Variants in HDAC9 observed in about 807,000 individuals in gnomAD.
HDAC9 encodes histone deacetylase 9.
A neutral mutation model predicts 139.4 loss-of-function variants in HDAC9; 41 were observed. The observed-to-expected ratio is 0.29, with a 90% confidence interval of 0.23 to 0.38. The LOEUF (loss-of-function observed/expected upper bound fraction) is 0.38, where lower values mean the gene tolerates loss of function less well. Ranked by LOEUF, HDAC9 falls within the 10% of genes least tolerant of loss-of-function variation. HDAC9 has a pLI of 1.00. For synonymous variants in HDAC9, 517 were observed against 476.2 expected (o/e 1.09, Z -1.12); for missense variants, 1,147 against 1,297.0 (o/e 0.88, Z 1.78).
intron 1 of HDAC9, among the ~76,000 whole-genome samples, chr7:18,409,660 T>G (rs150168304): frequency 2.0e-5 from 3 of 152,368 alleles, no homozygotes; most frequent in African/African-American, 7.2e-5. Context: ...ATGGTATGTT[T>G]CCTTTTTCGA....
intron 12 of HDAC9, among the ~76,000 whole-genome samples, chr7:18,718,092 C>A (rs577164040): frequency 1.3e-5 from 2 of 151,982 alleles, no homozygotes; most frequent in Non-Finnish European, 2.9e-5. Flanking sequence ...TTTTCATCAC[C>A]GCCCAAAAGA....
At chr7:18,261,277 C>T (rs1170947751) in intron 2 of HDAC9, among the ~76,000 whole-genome samples, 1 of 152,070 alleles carries the variant, frequency 6.6e-6, no homozygotes, top group Non-Finnish European at 1.5e-5. Flanking sequence ...CACTGCACTC[C>T]AGCCTGTGTG....
At chr7:18,898,324 A>G (rs913771875) in intron 22 of HDAC9, among the ~76,000 whole-genome samples, 3 of 151,936 alleles carry the variant, frequency 2.0e-5, no homozygotes, top group African/African-American at 7.2e-5. Context: ...CTGACAAGGT[A>G]ACTTGTATAT....
At chr7:18,967,614 A>G (rs762375556) in intron 24 of HDAC9, among the ~76,000 whole-genome samples, 2 of 151,964 alleles carry the variant, frequency 1.3e-5, no homozygotes, top group East Asian at 1.9e-4. Flanking sequence ...ATACAAATCT[A>G]AAGTTCGGTG....
chr7:18,461,994 T>C (rs936241981), intron 1 of HDAC9, among the ~76,000 whole-genome samples: 2 of 152,074 alleles, frequency 1.3e-5, no homozygotes, highest in Non-Finnish European at 2.9e-5. Flanking sequence ...AGTGTGGTCG[T>C]GATCACTAAA....
At chr7:18,867,663 C>T (rs908968599) in intron 21 of HDAC9, among the ~76,000 whole-genome samples, 4 of 151,998 alleles carry the variant, frequency 2.6e-5, no homozygotes, top group African/African-American at 4.8e-5. Context: ...TAAAAAAATA[C>T]GTAGAGCTTC....
intron 2 of HDAC9, among the ~76,000 whole-genome samples, chr7:18,216,495 C>T (rs1053607086): frequency 2.0e-5 from 3 of 152,026 alleles, no homozygotes; most frequent in Non-Finnish European, 2.9e-5. Context: ...ATAAGGTGCT[C>T]ATTGTAAGTT....
In HDAC9 at chr7:18,998,821, A is replaced by G. The variant is rs561919553; in HGVS notation, c.*2759A>G. On this transcript the variant is annotated 3_prime_UTR_variant, in exon 26 of 26. Coordinates refer to ENST00000686413, the MANE Select transcript of HDAC9 (RefSeq NM_178425.4). ...ATGGTATCTCATACAGGGTGAATAAAAATGATTTTTGATAAATCTACTAGT... is the reference window on the plus strand; with the variant it reads ...ATGGTATCTCATACAGGGTGAATAAGAATGATTTTTGATAAATCTACTAGT... 4 of 152,356 alleles carry G rather than the reference A, an allele frequency of 2.6e-5. No individual in the cohort carries two copies. Among genetic ancestry groups the G allele is most frequent in the African/African-American group, 4.8e-5 (2 of 41,586 alleles). The allele number at this position is 152,356 out of a possible 1,614,324, so 9.4% of individuals were successfully genotyped here. A position where few individuals can be genotyped will look rare whatever the true frequency, so the allele number is the denominator to read the frequency against.
chr7:18,156,398 G>T (rs1787205541), intron 1 of HDAC9, among the ~76,000 whole-genome samples: 1 of 152,160 alleles, frequency 6.6e-6, no homozygotes, highest in African/African-American at 2.4e-5. Context: ...TTTCTAGATG[G>T]TGGCCCATCT....
intron 2 of HDAC9, among the ~76,000 whole-genome samples, chr7:18,203,370 G>A (rs1414005439): frequency 1.3e-5 from 2 of 152,060 alleles, no homozygotes; most frequent in East Asian, 3.9e-4. Context: ...AAATTATTTT[G>A]TGCAGTTTTC....
intron 1 of HDAC9, among the ~76,000 whole-genome samples, chr7:18,412,173 A>G (rs373024084): frequency 1.3e-5 from 2 of 151,928 alleles, no homozygotes; most frequent in Non-Finnish European, 2.9e-5. Flanking sequence ...TAGGGTTATA[A>G]CCCCATCCTA....
chr7:18,583,490 A>G (rs999363040), intron 2 of HDAC9, among the ~76,000 whole-genome samples: 5 of 152,110 alleles, frequency 3.3e-5, no homozygotes, highest in African/African-American at 1.2e-4. Context: ...GAGCTCAGGC[A>G]GGAGGATCAC....
At chr7:18,282,092 A>G (rs1005014894) in intron 2 of HDAC9, among the ~76,000 whole-genome samples, 2 of 152,172 alleles carry the variant, frequency 1.3e-5, no homozygotes, top group African/African-American at 4.8e-5. Flanking sequence ...GAAATATTGA[A>G]AGAAACACAC....
rs148795227 is a variant in HDAC9, at chr7:18,786,820, ATTCCTTCCTTCCTTCATTCC to A, written c.2215-6509_2215-6490del. ...CTTTCCTTCCTTCCTTCCTTCCTTCATTCCTTCCTTCCTTCATTCCTTCCTTCCTTCCTTCTCTTTTCTTT... is the reference window on the plus strand; with the variant it reads ...CTTTCCTTCCTTCCTTCCTTCCTTCATTCCTTCCTTCCTTCTCTTTTCTTT... On this transcript the variant is annotated intron_variant, in intron 16 of 25. Transcript: ENST00000686413. 9.4e-3 allele frequency among the ~76,000 whole-genome samples: 784 copies of A among 83,518 alleles called. 3 individuals carry two copies. Among genetic ancestry groups the A allele is most frequent in the Middle Eastern group, 0.025 (3 of 120 alleles). The allele number at this position is 83,518 out of a possible 152,430, so 54.8% of individuals were successfully genotyped here.
intron 14 of HDAC9, among the ~76,000 whole-genome samples, chr7:18,761,131 A>G (rs749947234): frequency 3.3e-5 from 5 of 152,258 alleles, no homozygotes; most frequent in Non-Finnish European, 5.9e-5. Context: ...CTGTAATACT[A>G]GAAAGCACAG....
chr7:18,124,708 G>A (rs947430369), intron 1 of HDAC9, among the ~76,000 whole-genome samples: 66 of 152,112 alleles, frequency 4.3e-4, no homozygotes, highest in African/African-American at 1.5e-3. Flanking sequence ...ATTTATTTAA[G>A]AATCCAAGAG....
intron 13 of HDAC9, among the ~76,000 whole-genome samples, chr7:18,739,424 G>C (rs1787234358): frequency 6.6e-6 from 1 of 152,154 alleles, no homozygotes. Context: ...CTTTGATGTT[G>C]GTGACCTACA....
chr7:18,669,230 C>T (rs1201795918), intron 12 of HDAC9, among the ~76,000 whole-genome samples: 1 of 151,730 alleles, frequency 6.6e-6, no homozygotes, highest in Non-Finnish European at 1.5e-5. Flanking sequence ...AAGCTTAACA[C>T]AATCCCTTGA....
At chr7:18,857,888 C>A (rs7801037) in intron 21 of HDAC9, among the ~76,000 whole-genome samples, 67,450 of 151,792 alleles carry the variant, frequency 0.44, 15,193 homozygotes, top group South Asian at 0.57. Context: ...AAATATTTAT[C>A]TAATATCTGC....
Sources: allele counts gnomAD v4.1 joint callset (sites outside exome capture counted in the v4.1 genomes callset), GRCh38; gene constraint gnomAD v4.1.1; transcripts MANE v1.5; gene names NCBI Gene and HGNC (gene_info 2026-07-23, HGNC 2026-07-21).